RASA3: variants seen among roughly 807,000 people sequenced by gnomAD.
RASA3 encodes ras GTPase-activating protein 3.
RASA3 carries 73 observed loss-of-function variants against 110.0 expected under a neutral mutation model. The observed-to-expected ratio is 0.66, with a 90% CI of 0.55 to 0.81. RASA3 has a LOEUF of 0.81. Among genes scored for constraint, RASA3 ranks in the 30% least tolerant of loss-of-function variants. The pLI is 0.00. For missense variants in RASA3, 976 were observed against 1,113.2 expected, an observed-to-expected ratio of 0.88 and a Z score of 1.75; for synonymous variants, 500 against 451.4, an observed-to-expected ratio of 1.11 and a Z score of -1.37.
intron 2 of RASA3, among the ~76,000 whole-genome samples, chr13:114,073,282 G>A (rs1433230846): frequency 4.2e-5 from 6 of 144,246 alleles, no homozygotes; most frequent in Non-Finnish European, 7.5e-5. Context: ...GTACACGCTC[G>A]GGACATTGTC....
intron 1 of RASA3, among the ~76,000 whole-genome samples, chr13:114,097,051 G>A (rs190036185): frequency 5.0e-4 from 76 of 152,254 alleles, no homozygotes; most frequent in Admixed American, 8.5e-4. Context: ...TGTTCATGGC[G>A]TCACAGTTGT....
Position 114,013,135 on chromosome 13 carries a change from C to A in RASA3, c.1512+7G>T. ...AGAAAGCCTCGGTCCCTCAGCCGGT[C>A]ACTCACCGTGTGGTGCGGCGTGAGC... On this transcript the variant is annotated splice_region_variant and intron_variant, in intron 15 of 23. Transcript: ENST00000334062. The A allele has an allele frequency of 6.2e-7, 1 of 1,609,906 alleles. No homozygotes were observed.
At chr13:114,126,879 T>A (rs2080457556) in intron 1 of RASA3, among the ~76,000 whole-genome samples, 1 of 152,184 alleles carries the variant, frequency 6.6e-6, no homozygotes, top group Non-Finnish European at 1.5e-5. Context: ...TCAAGAAACG[T>A]GGCCAGCACG....
At position 114,014,245 on chromosome 13, in the gene RASA3, G is replaced by A. The variant is rs1254957799; in HGVS notation, c.1405+964C>T. Reference sequence around the variant, plus strand: ...TTGGTGTCTCATTCCACAGTGGTCTGTGCTCATCTGGGTGAGAGGATGTGT... The same window carrying A: ...TTGGTGTCTCATTCCACAGTGGTCTATGCTCATCTGGGTGAGAGGATGTGT... On this transcript the variant is annotated intron_variant, in intron 14 of 23. Coordinates refer to ENST00000334062, the MANE Select transcript of RASA3 (RefSeq NM_007368.4). The surrounding 1 kb of genome is among the most constrained non-coding windows in gnomAD (Gnocchi z 4.5). Among the ~76,000 whole-genome samples the A allele has an allele frequency of 6.6e-6, 1 of 152,204 alleles. No individual in the cohort carries two copies. Among genetic ancestry groups the A allele is most frequent in the Non-Finnish European group, 1.5e-5 (1 of 68,032 alleles).
rs2079258796 is a variant in RASA3, at chr13:114,057,125, T to C, written c.174-4970A>G. 6.9e-6 allele frequency: 6 copies of C among 869,418 alleles called. No homozygotes were observed. The highest frequency in any genetic ancestry group is 6.9e-6 in the Non-Finnish European group (5 of 724,444). 53.9% of individuals were successfully genotyped at this position (869,418 alleles called of 1,614,324 possible). A position where few individuals can be genotyped will look rare whatever the true frequency, so the allele number is the denominator to read the frequency against. ...CCAGCACAGGCGATGGGTGAGTGTT[T>C]TGCATGTCTGATGTCGTTTATTCTA... On this transcript the variant is annotated intron_variant, in intron 2 of 23. Transcript: ENST00000334062. This position sits in a 1 kb window ranked among gnomAD's most constrained non-coding sequence, Gnocchi z 5.0.
At position 114,014,474 on chromosome 13, in the gene RASA3, T is replaced by G. The variant is rs1273357081; in HGVS notation, c.1405+735A>C. Among the ~76,000 whole-genome samples, 2 of 152,054 alleles carry G rather than the reference T, an allele frequency of 1.3e-5. No homozygotes were observed. The highest frequency in any genetic ancestry group is 2.9e-5 in the Non-Finnish European group (2 of 67,982). ...AGGACCATGGCCACCCCGGGGTGTCTGCAGCTGTCCCGAGGCCACAGGACA... is the reference window on the plus strand; with the variant it reads ...AGGACCATGGCCACCCCGGGGTGTCGGCAGCTGTCCCGAGGCCACAGGACA... On this transcript the variant is annotated intron_variant, in intron 14 of 23. Transcript: ENST00000334062. The surrounding 1 kb of genome is among the most constrained non-coding windows in gnomAD (Gnocchi z 4.5).
At chr13:114,047,117 A>C (rs191000877) in intron 3 of RASA3, among the ~76,000 whole-genome samples, 2 of 152,380 alleles carry the variant, frequency 1.3e-5, no homozygotes, top group East Asian at 3.9e-4. Context: ...GCCAATGGTA[A>C]GAAAATGAAA....
intron 21 of RASA3, among the ~76,000 whole-genome samples, chr13:113,996,326 G>C (rs1262077260): frequency 6.6e-6 from 1 of 152,206 alleles, no homozygotes; most frequent in African/African-American, 2.4e-5. Flanking sequence ...CCTGGAGTCT[G>C]CGCAGAGCCT....
At position 113,978,948 on chromosome 13, in the gene RASA3, G is replaced by A. The variant is rs1383804839; in HGVS notation, c.*399C>T. On this transcript the variant is annotated 3_prime_UTR_variant, in exon 24 of 24. Coordinates refer to ENST00000334062, the MANE Select transcript of RASA3 (RefSeq NM_007368.4). ...GCCCAGCGTCACACGCACCGTGCAC[G>A]CAAGACAGACGTGCACGAGACTGAC... 3 of 249,878 alleles carry A rather than the reference G, an allele frequency of 1.2e-5. No individual in the cohort carries two copies. The highest frequency in any genetic ancestry group is 9.9e-5 in the East Asian group (1 of 10,060). The allele number at this position is 249,878 out of a possible 1,614,324, so 15.5% of individuals were successfully genotyped here. A position where few individuals can be genotyped will look rare whatever the true frequency, so the allele number is the denominator to read the frequency against.
At chr13:113,995,828 G>A (rs190987633) in intron 21 of RASA3, among the ~76,000 whole-genome samples, 4 of 50,672 alleles carry the variant, frequency 7.9e-5, no homozygotes, top group Admixed American at 1.7e-4. Flanking sequence ...CGGGGGGCCC[G>A]GCTGACGGGG....
Position 114,115,548 on chromosome 13 carries a change from G to A in RASA3, c.55+16887C>T, listed in dbSNP as rs780866589. Among the ~76,000 whole-genome samples the A allele has an allele frequency of 1.3e-5, 2 of 152,182 alleles. No individual in the cohort carries two copies. Among genetic ancestry groups the A allele is most frequent in the African/African-American group, 2.4e-5 (1 of 41,432 alleles). ...CTCATGCCCTAGAGATAAAGCCGTC[G>A]GAGGCAGAGTGCAGGCCTCGAAGCA... is the stretch of plus-strand genomic sequence containing the variant. On this transcript the variant is annotated intron_variant, in intron 1 of 23. Coordinates refer to ENST00000334062, the MANE Select transcript of RASA3 (RefSeq NM_007368.4). The surrounding 1 kb of genome is among the most constrained non-coding windows in gnomAD (Gnocchi z 5.0).
At chr13:113,979,984 CAT>C (rs1416256053) in intron 23 of RASA3, among the ~76,000 whole-genome samples, 4 of 132,500 alleles carry the variant, frequency 3.0e-5, no homozygotes, top group African/African-American at 1.0e-4. Flanking sequence ...TACCTCCTCC[CAT>C]GTGTGTGCAC....
At chr13:114,052,200 T>G (rs770782500) in intron 2 of RASA3, 45 bp from the exon 3 acceptor site, 5 of 1,355,276 alleles carry the variant, frequency 3.7e-6, no homozygotes, top group Non-Finnish European at 5.3e-6. Context: ...AGGCCACGCT[T>G]GCGCCTCACC....
chr13:114,056,284 T>C lies in RASA3; in HGVS notation c.174-4129A>G, dbSNP rs934753382. Among the ~76,000 whole-genome samples, 2 of 152,062 alleles carry C rather than the reference T, an allele frequency of 1.3e-5. No homozygotes were observed. The highest frequency in any genetic ancestry group is 2.9e-5 in the Non-Finnish European group (2 of 67,998). ...TGTCTGATGTGTGTCTGATGCATAT[T>C]TGGTGCGTGTCCGGTGCGTGGTGAG... On this transcript the variant is annotated intron_variant, in intron 2 of 23. Transcript: ENST00000334062. The surrounding 1 kb of genome is among the most constrained non-coding windows in gnomAD (Gnocchi z 5.7).
intron 2 of RASA3, among the ~76,000 whole-genome samples, chr13:114,067,308 C>G (rs1269169057): frequency 6.6e-6 from 1 of 152,214 alleles, no homozygotes; most frequent in Non-Finnish European, 1.5e-5. Context: ...GAGGATGGGT[C>G]CCCTACTCCA....
At chr13:114,046,926 T>G (rs1338550088) in intron 3 of RASA3, among the ~76,000 whole-genome samples, 4 of 152,118 alleles carry the variant, frequency 2.6e-5, no homozygotes, top group Non-Finnish European at 5.9e-5. Flanking sequence ...TAAGTGAAAA[T>G]TAGCTTGAAA....
chr13:114,039,207 G>A (rs2054342334), intron 4 of RASA3, among the ~76,000 whole-genome samples: 1 of 152,112 alleles, frequency 6.6e-6, no homozygotes, highest in Non-Finnish European at 1.5e-5. Context: ...GGGCCGCTGT[G>A]CTGCAACCCC....
In RASA3 at chr13:114,057,477, G is replaced by C. The variant is rs1446137497; in HGVS notation, c.174-5322C>G. 1.0e-6 allele frequency: 1 copy of C among 985,290 alleles called. No homozygotes were observed. The highest frequency in any genetic ancestry group is 1.2e-6 in the Non-Finnish European group (1 of 829,916). 61.0% of individuals were successfully genotyped at this position (985,290 alleles called of 1,614,324 possible). On this transcript the variant is annotated intron_variant, in intron 2 of 23. Transcript: ENST00000334062. The surrounding 1 kb of genome is among the most constrained non-coding windows in gnomAD (Gnocchi z 5.0). ...TCAAGGAAAGCTGGAGCCAGTCTCT[G>C]TGCCAGAATAGAGGGTTCGTTCAGC...
At chr13:114,052,517 G>C (rs2079161922) in intron 2 of RASA3, among the ~76,000 whole-genome samples, 1 of 152,208 alleles carries the variant, frequency 6.6e-6, no homozygotes, top group African/African-American at 2.4e-5. Flanking sequence ...GTTTGGGGCA[G>C]GCAGTGGCTC....
Sources: allele counts gnomAD v4.1 joint callset (sites outside exome capture counted in the v4.1 genomes callset), GRCh38; gene constraint gnomAD v4.1.1; non-coding constraint Gnocchi (gnomAD v3.1); transcripts MANE v1.5; gene names NCBI Gene and HGNC (gene_info 2026-07-23, HGNC 2026-07-21).